Variants in ZHX2 observed in about 807,000 individuals in gnomAD.
The protein encoded by ZHX2 is zinc fingers and homeoboxes 2.
In ZHX2, 6 loss-of-function variants were observed where a neutral mutation model predicts 21.9. The observed-to-expected ratio is 0.27, with a 90% confidence interval of 0.15 to 0.54. ZHX2 has a LOEUF of 0.54. ZHX2 is among the 20% of genes least tolerant of loss of function. The probability of loss-of-function intolerance (pLI) is 0.95; values close to 1 mark genes in which losing one functional copy is unlikely to be tolerated. For missense variants in ZHX2, 908 were observed against 1,090.7 expected (o/e 0.83, Z 2.36); for synonymous variants, 434 against 437.1 (o/e 0.99, Z 0.09).
intron 3 of ZHX2, among the ~76,000 whole-genome samples, chr8:122,959,627 A>T (rs1563607966): frequency 6.6e-6 from 1 of 151,934 alleles, no homozygotes; most frequent in Non-Finnish European, 1.5e-5. Flanking sequence ...GCTTGTCCTC[A>T]TTTTTTTCCC....
rs1267674181 is a variant in ZHX2, at chr8:122,885,130, A to G, written c.-220+21591A>G. On this transcript the variant is annotated intron_variant, in intron 2 of 3. Coordinates refer to ENST00000314393, the MANE Select transcript of ZHX2 (RefSeq NM_014943.5). ...AGGATATATTTTTCAGGAAGAGCCA[A>G]CAGGAGCTGCTGATGAGTAAACCAG... Among the ~76,000 whole-genome samples, 4 of 152,352 alleles carry G rather than the reference A, an allele frequency of 2.6e-5. No homozygotes were observed. In the East Asian group the frequency reaches 5.8e-4, roughly 22 times the overall value.
In ZHX2 at chr8:122,952,130, C is replaced by A. The variant is rs762630328; in HGVS notation, c.620C>A (p.Thr207Asn). ...KKVPKKPEEI[T>N]PENHVEGTAR... is the part of the protein sequence containing the mutation. ...GTGCCCAAGAAGCCCGAGGAGATCA[C>A]CCCCGAGAACCACGTGGAAGGGACC... is the stretch of plus-strand genomic sequence containing the variant. Residue 207 changes from threonine (T) to asparagine (N), a missense_variant, in exon 3 of 4, where the codon ACC becomes AAC. Thr to Asn is a moderately conservative substitution (Grantham distance 65, BLOSUM62 0). This residue lies in a region of ZHX2 where 220 missense variants were observed against 251.4 expected (regional missense o/e 0.88). Transcript: ENST00000314393. The surrounding 1 kb of genome is among the most constrained non-coding windows in gnomAD (Gnocchi z 6.9). 3 of 1,613,728 alleles carry A rather than the reference C, an allele frequency of 1.9e-6. No homozygotes were observed. The highest frequency in any genetic ancestry group is 2.5e-6 in the Non-Finnish European group (3 of 1,179,952).
chr8:122,844,103 T>C (rs1265712854), intron 1 of ZHX2, among the ~76,000 whole-genome samples: 1 of 152,088 alleles, frequency 6.6e-6, no homozygotes, highest in Admixed American at 6.5e-5. Context: ...CCTGTGTTCC[T>C]CCCTATGCAA....
intron 1 of ZHX2, among the ~76,000 whole-genome samples, chr8:122,824,190 A>T (rs760630801): frequency 2.6e-5 from 4 of 152,242 alleles, no homozygotes; most frequent in South Asian, 2.1e-4. Flanking sequence ...GCTCTTTCTC[A>T]TCACTAGGAT....
chr8:122,843,360 A>G (rs1165311217), intron 1 of ZHX2, among the ~76,000 whole-genome samples: 2 of 152,222 alleles, frequency 1.3e-5, no homozygotes, highest in Non-Finnish European at 2.9e-5. Context: ...TTAGCTCACT[A>G]GGCCTCTCCT....
chr8:122,951,320 T>G lies in ZHX2; in HGVS notation c.-191T>G, dbSNP rs1277864017. The G allele has an allele frequency of 5.1e-6, 3 of 592,798 alleles. No individual in the cohort carries two copies. In the East Asian group the frequency reaches 8.5e-5, roughly 17 times the overall value. The allele number at this position is 592,798 out of a possible 1,614,324, so 36.7% of individuals were successfully genotyped here. Reference sequence around the variant, plus strand: ...TGATGCTTCCTGGTGTGTTTAGTGGTTGGTGCCATTCCAATTTTCTGTGCT... The same window carrying G: ...TGATGCTTCCTGGTGTGTTTAGTGGGTGGTGCCATTCCAATTTTCTGTGCT... On this transcript the variant is annotated 5_prime_UTR_variant, in exon 3 of 4. Coordinates refer to ENST00000314393, the MANE Select transcript of ZHX2 (RefSeq NM_014943.5).
intron 1 of ZHX2, among the ~76,000 whole-genome samples, chr8:122,795,698 C>T (rs1262435266): frequency 6.6e-6 from 1 of 152,186 alleles, no homozygotes; most frequent in Admixed American, 6.5e-5. Context: ...CAACTACCCC[C>T]ATTGGTAGAA....
chr8:122,928,506 TG>T (rs916252064), intron 2 of ZHX2, among the ~76,000 whole-genome samples: 1 of 151,842 alleles, frequency 6.6e-6, no homozygotes, highest in Non-Finnish European at 1.5e-5. Context: ...TCAATGAAAA[TG>T]GGGAACCAGC....
chr8:122,898,418 G>A (rs897534099), intron 2 of ZHX2, among the ~76,000 whole-genome samples: 1 of 152,064 alleles, frequency 6.6e-6, no homozygotes, highest in Non-Finnish European at 1.5e-5. Flanking sequence ...TTTCAGAAAA[G>A]GATCTGACAA....
chr8:122,795,289 C>T (rs1817595970), intron 1 of ZHX2, among the ~76,000 whole-genome samples: 1 of 152,246 alleles, frequency 6.6e-6, no homozygotes, highest in Non-Finnish European at 1.5e-5. Context: ...GCAGTCAAGG[C>T]AGTGTCTATC....
chr8:122,816,155 A>G (rs1301409582), intron 1 of ZHX2, among the ~76,000 whole-genome samples: 2 of 152,062 alleles, frequency 1.3e-5, no homozygotes, highest in Non-Finnish European at 2.9e-5. Flanking sequence ...TCAGTTAGCA[A>G]CCATCACCAA....
intron 2 of ZHX2, among the ~76,000 whole-genome samples, chr8:122,881,063 T>C (rs905227204): frequency 2.6e-5 from 4 of 152,174 alleles, no homozygotes; most frequent in African/African-American, 9.6e-5. Context: ...TAACGCCCAT[T>C]GACCTACGTG....
chr8:122,918,518 TG>T (rs1204076448), intron 2 of ZHX2, among the ~76,000 whole-genome samples: 1 of 152,212 alleles, frequency 6.6e-6, no homozygotes, highest in Non-Finnish European at 1.5e-5. Flanking sequence ...ACCTCGTCTT[TG>T]GAGGAGACCA....
intron 2 of ZHX2, among the ~76,000 whole-genome samples, chr8:122,900,195 G>A (rs756006649): frequency 6.6e-6 from 1 of 152,140 alleles, no homozygotes; most frequent in African/African-American, 2.4e-5. Context: ...AAGAAAAGAG[G>A]TTTATTTGCT....
At chr8:122,817,948 G>C (rs1818068712) in intron 1 of ZHX2, among the ~76,000 whole-genome samples, 1 of 152,048 alleles carries the variant, frequency 6.6e-6, no homozygotes, top group African/African-American at 2.4e-5. Flanking sequence ...CCCTCCTCCA[G>C]GAGGCCTTCC....
rs1465242808 is a variant in ZHX2 at position 122,974,246 on chromosome 8, G to A, written c.*1009G>A. 3 of 152,258 alleles carry A rather than the reference G, an allele frequency of 2.0e-5. No individual in the cohort carries two copies. In the South Asian group the frequency reaches 6.2e-4, roughly 32 times the overall value. 9.4% of individuals were successfully genotyped at this position (152,258 alleles called of 1,614,324 possible). Reference sequence around the variant, plus strand: ...CCATGAATTGATTTTTTTTGTTTGTGTGTGTGTTTGTTTTGGGACAATTTT... The same window carrying A: ...CCATGAATTGATTTTTTTTGTTTGTATGTGTGTTTGTTTTGGGACAATTTT... On this transcript the variant is annotated 3_prime_UTR_variant, in exon 4 of 4. Coordinates refer to ENST00000314393, the MANE Select transcript of ZHX2 (RefSeq NM_014943.5).
chr8:122,860,353 A>G (rs765239092), intron 1 of ZHX2, among the ~76,000 whole-genome samples: 2 of 152,222 alleles, frequency 1.3e-5, no homozygotes, highest in Non-Finnish European at 2.9e-5. Context: ...ATCAGTACCT[A>G]GAATGTAACT....
intron 2 of ZHX2, among the ~76,000 whole-genome samples, chr8:122,949,430 C>T (rs1223734453): frequency 1.3e-5 from 2 of 151,976 alleles, no homozygotes; most frequent in Non-Finnish European, 2.9e-5. Flanking sequence ...ATAATAAAAA[C>T]CACTGAATGT....
At position 122,952,015 on chromosome 8, in the gene ZHX2, G is replaced by A. The variant is rs75046616; in HGVS notation, c.505G>A (p.Gly169Ser). The A allele has an allele frequency of 2.3e-5, 37 of 1,613,374 alleles. No individual in the cohort carries two copies. The highest frequency in any genetic ancestry group is 2.9e-5 in the Non-Finnish European group (34 of 1,179,940). Residue 169 changes from glycine (G) to serine (S), a missense_variant, in exon 3 of 4, where the codon GGC (glycine) becomes AGC (serine). Gly to Ser is a moderately conservative substitution (Grantham distance 56, BLOSUM62 0). Transcript: ENST00000314393. This position sits in a 1 kb window ranked among gnomAD's most constrained non-coding sequence, Gnocchi z 6.9. ...TNHVVSITTS[G>S]PGTGDSDSGI... Reference sequence around the variant, plus strand: ...CCATGTCGTGTCCATCACCACCAGTGGCCCTGGAACTGGTGACAGTGATTC... The same window carrying A: ...CCATGTCGTGTCCATCACCACCAGTAGCCCTGGAACTGGTGACAGTGATTC...
Sources: allele counts gnomAD v4.1 joint callset (sites outside exome capture counted in the v4.1 genomes callset), GRCh38; gene constraint gnomAD v4.1.1; regional missense constraint gnomAD v4.1.1; non-coding constraint Gnocchi (gnomAD v3.1); transcripts MANE v1.5; gene names NCBI Gene and HGNC (gene_info 2026-07-23, HGNC 2026-07-21).